The following ADGRL2 variants were observed in gnomAD, a reference collection of about 807,000 sequenced individuals.
ADGRL2 encodes the protein calcium-independent alpha-latrotoxin receptor 2.
ADGRL2 carries 44 observed loss-of-function variants against 157.4 expected under a neutral mutation model. The observed-to-expected ratio is 0.28, with a 90% confidence interval of 0.22 to 0.36. The LOEUF (loss-of-function observed/expected upper bound fraction) is 0.36, where lower values mean the gene tolerates loss of function less well. ADGRL2 is among the 10% of genes least tolerant of loss of function. The pLI, the probability that ADGRL2 is intolerant of heterozygous loss-of-function variation, is 1.00. For missense variants in ADGRL2, 1,510 were observed against 1,768.9 expected (o/e 0.85, Z 2.63); for synonymous variants, 585 against 624.7 (o/e 0.94, Z 0.95).
chr1:81,462,915 G>T (rs984133671), intron 2 of ADGRL2, among the ~76,000 whole-genome samples: 2 of 151,838 alleles, frequency 1.3e-5, no homozygotes, highest in Non-Finnish European at 2.9e-5. Flanking sequence ...AGGAGTTTGA[G>T]ACCACCCTGG....
chr1:81,333,452 A>G (rs1310827470), intron 1 of ADGRL2, among the ~76,000 whole-genome samples: 2 of 151,928 alleles, frequency 1.3e-5, no homozygotes, highest in Non-Finnish European at 2.9e-5. Context: ...GTCTCACTCT[A>G]TCGCCCAGGC....
intron 1 of ADGRL2, among the ~76,000 whole-genome samples, chr1:81,441,484 C>A (rs1383139317): frequency 1.3e-5 from 2 of 152,136 alleles, no homozygotes; most frequent in African/African-American, 2.4e-5. Context: ...ACCTCTAGCC[C>A]AAACTGAATA....
chr1:81,990,664 C>A lies in ADGRL2; in HGVS notation c.3929C>A (p.Ala1310Asp), dbSNP rs1374001060. ...GGAGGTAGCAGCAGTGAAGATGATG[C>A]TATTGTGGCAGATGCTTCATCTTTA... Reference protein sequence around the residue: ...VIGGSSSEDDAIVADASSLMH... With the variant: ...VIGGSSSEDDDIVADASSLMH... Residue 1310 changes from alanine to aspartate, a missense_variant, in exon 24 of 24, where the codon GCT becomes GAT. Coordinates refer to ENST00000686636, the MANE Select transcript of ADGRL2 (RefSeq NM_001366006.2). The A allele has an allele frequency of 1.2e-6, 2 of 1,614,066 alleles. No homozygotes were observed. Among genetic ancestry groups the A allele is most frequent in the Non-Finnish European group, 1.7e-6 (2 of 1,180,032 alleles).
chr1:81,843,251 G>C (rs1440896888), intron 2 of ADGRL2, among the ~76,000 whole-genome samples: 1 of 151,986 alleles, frequency 6.6e-6, no homozygotes, highest in African/African-American at 2.4e-5. Flanking sequence ...TCCTGCCTCA[G>C]CCTCCCAAGT....
chr1:81,715,796 G>C (rs1256157378), intron 1 of ADGRL2, among the ~76,000 whole-genome samples: 1 of 152,044 alleles, frequency 6.6e-6, no homozygotes. Flanking sequence ...AACCTAATGA[G>C]GAACAGAAGT....
At chr1:81,928,918 T>G (rs2095169275) in intron 3 of ADGRL2, among the ~76,000 whole-genome samples, 1 of 152,134 alleles carries the variant, frequency 6.6e-6, no homozygotes, top group Admixed American at 6.6e-5. Flanking sequence ...AAAAAAGTCT[T>G]ACCATTGCTA....
At chr1:81,703,337 G>T (rs954114295) in intron 1 of ADGRL2, among the ~76,000 whole-genome samples, 1 of 152,178 alleles carries the variant, frequency 6.6e-6, no homozygotes, top group African/African-American at 2.4e-5. Flanking sequence ...AGGGGCAATT[G>T]GAGTTGTTAG....
chr1:81,359,927 T>A (rs1038787995), intron 1 of ADGRL2, among the ~76,000 whole-genome samples: 3 of 151,950 alleles, frequency 2.0e-5, no homozygotes, highest in Non-Finnish European at 4.4e-5. Flanking sequence ...TCAAAATGCC[T>A]CCAGAATTTA....
intron 2 of ADGRL2, among the ~76,000 whole-genome samples, chr1:81,571,127 C>T (rs1224060101): frequency 6.6e-6 from 1 of 151,830 alleles, no homozygotes; most frequent in African/African-American, 2.4e-5. Context: ...GAGTTGGAGA[C>T]CCGCCTGGCC....
intron 3 of ADGRL2, among the ~76,000 whole-genome samples, chr1:81,655,478 T>G (rs1198424948): frequency 6.6e-6 from 1 of 152,186 alleles, no homozygotes; most frequent in Non-Finnish European, 1.5e-5. Context: ...TTTTACTGGC[T>G]CCAGTTTCCA....
chr1:81,520,648 A>G (rs2079292137), intron 2 of ADGRL2, among the ~76,000 whole-genome samples: 1 of 152,114 alleles, frequency 6.6e-6, no homozygotes, highest in African/African-American at 2.4e-5. Context: ...GCCTGCCTCC[A>G]CGTTAGAAGT....
chr1:81,491,236 G>A (rs1056953345), intron 2 of ADGRL2, among the ~76,000 whole-genome samples: 1 of 152,088 alleles, frequency 6.6e-6, no homozygotes, highest in African/African-American at 2.4e-5. Context: ...TTTAAATAAA[G>A]CTCTAAAACA....
intron 3 of ADGRL2, among the ~76,000 whole-genome samples, chr1:81,598,852 C>T (rs181707510): frequency 3.3e-5 from 5 of 152,302 alleles, no homozygotes; most frequent in Admixed American, 6.5e-5. Flanking sequence ...TTATGCACCC[C>T]TGAGTTTTCA....
chr1:81,392,937 C>A (rs2076585088), intron 1 of ADGRL2, among the ~76,000 whole-genome samples: 1 of 151,994 alleles, frequency 6.6e-6, no homozygotes, highest in South Asian at 2.1e-4. Context: ...ACTTTTTGTG[C>A]CCCATCCAAC....
chr1:81,431,258 G>C (rs1453629150), intron 1 of ADGRL2, among the ~76,000 whole-genome samples: 1 of 152,132 alleles, frequency 6.6e-6, no homozygotes, highest in Non-Finnish European at 1.5e-5. Context: ...TAAGAGAAAA[G>C]GAGAAAACCA....
chr1:81,523,035 C>G (rs1460652187), intron 2 of ADGRL2, among the ~76,000 whole-genome samples: 1 of 143,912 alleles, frequency 6.9e-6, no homozygotes. Flanking sequence ...TCAATGGCAA[C>G]ACAGAAAAAA....
At chr1:81,789,565 A>C (rs372834900) in intron 2 of ADGRL2, among the ~76,000 whole-genome samples, 4 of 152,076 alleles carry the variant, frequency 2.6e-5, no homozygotes, top group African/African-American at 9.6e-5. Context: ...ATCTCTATTA[A>C]ATACACAAAA....
chr1:81,970,282 T>TC, intron 15 of ADGRL2, 32 bp from the exon 16 acceptor site: 1 of 1,465,914 alleles, frequency 6.8e-7, no homozygotes, highest in East Asian at 2.3e-5. Context: ...TCATGAGTTT[T>TC]CTTTTGTGTT....
At chr1:81,726,685 G>C (rs760130584) in intron 1 of ADGRL2, among the ~76,000 whole-genome samples, 1 of 152,086 alleles carries the variant, frequency 6.6e-6, no homozygotes, top group Non-Finnish European at 1.5e-5. Flanking sequence ...TTCACTATAC[G>C]TACTCTAAAA....
Sources: gnomAD v4.1 joint callset for allele counts (sites outside exome capture counted in the v4.1 genomes callset) on GRCh38, gnomAD v4.1.1 for gene constraint, MANE v1.5 for transcripts, NCBI Gene and HGNC (gene_info 2026-07-23, HGNC 2026-07-21) for gene names.